Variants in PTPRS observed in about 807,000 individuals in gnomAD.
The protein encoded by PTPRS is receptor-type tyrosine-protein phosphatase S.
In PTPRS, 63 loss-of-function variants were observed where a neutral mutation model predicts 215.3. The observed-to-expected ratio is 0.29, with a 90% CI of 0.24 to 0.36. The LOEUF is 0.36. Ranked by LOEUF, PTPRS falls within the 10% of genes least tolerant of loss-of-function variation. The pLI, the probability that PTPRS is intolerant of heterozygous loss-of-function variation, is 1.00. For missense variants in PTPRS, 2,258 were observed against 2,825.8 expected (o/e 0.80, Z 4.56); for synonymous variants, 1,404 against 1,191.4 (o/e 1.18, Z -3.68).
rs2040720310 is a variant in PTPRS at position 5,210,018 on chromosome 19, C to T, written c.5487+451G>A. Among the ~76,000 whole-genome samples, 1 of 152,198 alleles carries T rather than the reference C, an allele frequency of 6.6e-6. No homozygotes were observed. The highest frequency in any genetic ancestry group is 2.1e-4 in the South Asian group (1 of 4,834). On this transcript the variant is annotated intron_variant, in intron 35 of 37. Coordinates refer to ENST00000262963, the MANE Select transcript of PTPRS (RefSeq NM_002850.4). This position sits in a 1 kb window ranked among gnomAD's most constrained non-coding sequence, Gnocchi z 4.5. ...TGTTGCCACCTAATACCTGGCCTTT[C>T]TCCCTCCACCTGACACTGCAGTCCT...
chr19:5,207,555 C>T (rs1021429019), intron 37 of PTPRS, among the ~76,000 whole-genome samples: 1 of 152,212 alleles, frequency 6.6e-6, no homozygotes, highest in African/African-American at 2.4e-5. Flanking sequence ...ACCCCCTCCA[C>T]TGGAACATTC....
Position 5,274,241 on chromosome 19 carries a change from G to C in PTPRS, c.195C>G (p.Thr65=), listed in dbSNP as rs913064571. ...QATGDPKPRV[T]WNKKGKKVNS... is the part of the protein sequence containing the mutation. The stretch of plus-strand genomic sequence containing the variant: ...TGACCTTCTTGCCCTTCTTGTTCCA[G>C]GTCACTCGTGGCTTGGGGTCACCCG... Residue 65 remains threonine, a synonymous_variant, in exon 3 of 38, where the codon ACC becomes ACG. Coordinates refer to ENST00000262963, the MANE Select transcript of PTPRS (RefSeq NM_002850.4). 2.2e-5 allele frequency: 35 copies of C among 1,613,912 alleles called. No individual in the cohort carries two copies. Among genetic ancestry groups the C allele is most frequent in the Non-Finnish European group, 2.7e-5 (32 of 1,179,964 alleles).
At chr19:5,290,001 G>A (rs2048676750) in intron 1 of PTPRS, among the ~76,000 whole-genome samples, 1 of 152,230 alleles carries the variant, frequency 6.6e-6, no homozygotes, top group African/African-American at 2.4e-5. Context: ...ATTAAGTCAG[G>A]TGCAGTAATC....
Position 5,220,268 on chromosome 19 carries a change from G to A in PTPRS, c.3541C>T (p.Leu1181=), listed in dbSNP as rs762696876. ...GGGCCCCAGGCCCTCACCTCTTCCA[G>A]ATCCATGTCCTCTGGGCTACCCAGC... ...TPLGSPEDMD[L]EELIQDISRL... is the part of the protein sequence containing the mutation. Residue 1181 remains leucine, a synonymous_variant, in exon 21 of 38, where the codon CTG becomes TTG. Coordinates refer to ENST00000262963, the MANE Select transcript of PTPRS (RefSeq NM_002850.4). The A allele has an allele frequency of 7.4e-6, 12 of 1,613,834 alleles. No individual in the cohort carries two copies. The highest frequency in any genetic ancestry group is 1.0e-5 in the Non-Finnish European group (12 of 1,179,930).
intron 9 of PTPRS, among the ~76,000 whole-genome samples, chr19:5,250,761 C>T (rs2044948778): frequency 1.3e-5 from 2 of 150,960 alleles, no homozygotes; most frequent in Admixed American, 1.3e-4. Context: ...GACGACCCCT[C>T]CCCCAGGCAG....
chr19:5,289,893 G>A (rs1169656446), intron 1 of PTPRS, among the ~76,000 whole-genome samples: 1 of 152,194 alleles, frequency 6.6e-6, no homozygotes, highest in Non-Finnish European at 1.5e-5. Flanking sequence ...CCTGGGCAGG[G>A]AGGGAAATGG....
intron 11 of PTPRS, among the ~76,000 whole-genome samples, chr19:5,240,794 G>A (rs534077876): frequency 4.6e-5 from 7 of 150,860 alleles, no homozygotes; most frequent in South Asian, 2.1e-4. Context: ...AGCGGAGATC[G>A]CGCCACTGCA....
rs370203974 is a variant in PTPRS at position 5,334,059 on chromosome 19, A to C, written c.-95+6605T>G. 4.0e-5 allele frequency among the ~76,000 whole-genome samples: 6 copies of C among 151,224 alleles called. No individual in the cohort carries two copies. The East Asian group carries it at 9.8e-4, about 25-fold the overall frequency. Reference sequence around the variant, plus strand: ...AGTCCCTGGAGTGCCTGGAGCTCCCAAGGCAGCCACGTGTCCTCCCTGTCC... The same window carrying C: ...AGTCCCTGGAGTGCCTGGAGCTCCCCAGGCAGCCACGTGTCCTCCCTGTCC... On this transcript the variant is annotated intron_variant, in intron 1 of 37. Coordinates refer to ENST00000262963, the MANE Select transcript of PTPRS (RefSeq NM_002850.4).
At chr19:5,255,045 C>G (rs537952709) in intron 9 of PTPRS, among the ~76,000 whole-genome samples, 2 of 152,332 alleles carry the variant, frequency 1.3e-5, no homozygotes, top group South Asian at 4.1e-4. Context: ...AGTGCACATT[C>G]AGCAGTACTT....
At chr19:5,208,128 C>A in intron 36 of PTPRS, 71 bp from the exon 37 acceptor site, 2 of 1,578,774 alleles carry the variant, frequency 1.3e-6, no homozygotes, top group Non-Finnish European at 1.7e-6. Context: ...CCACCCGATT[C>A]CCCGAGGACT....
At chr19:5,333,479 G>T (rs1296507484) in intron 1 of PTPRS, among the ~76,000 whole-genome samples, 4 of 150,282 alleles carry the variant, frequency 2.7e-5, no homozygotes, top group African/African-American at 9.9e-5. Context: ...CTGCACTCCA[G>T]CCTGAGCAAC....
At chr19:5,327,633 T>G (rs367756875) in intron 1 of PTPRS, among the ~76,000 whole-genome samples, 1 of 152,170 alleles carries the variant, frequency 6.6e-6, no homozygotes, top group African/African-American at 2.4e-5. Context: ...AGACAGGGTC[T>G]CGCTCTGTTA....
chr19:5,239,447 CAG>C (rs2043817138), intron 12 of PTPRS, among the ~76,000 whole-genome samples: 1 of 147,664 alleles, frequency 6.8e-6, no homozygotes, highest in South Asian at 2.2e-4. Flanking sequence ...GACACAGAGA[CAG>C]AGATAAATGG....
At chr19:5,323,039 G>A (rs1361222287) in intron 1 of PTPRS, among the ~76,000 whole-genome samples, 1 of 152,132 alleles carries the variant, frequency 6.6e-6, no homozygotes, top group Non-Finnish European at 1.5e-5. Context: ...CATGGTAGAG[G>A]AGGAGAGAAG....
chr19:5,266,184 G>A (rs893795575), intron 4 of PTPRS, among the ~76,000 whole-genome samples: 8 of 151,960 alleles, frequency 5.3e-5, no homozygotes, highest in Admixed American at 6.6e-5. Flanking sequence ...ACTTGAACCC[G>A]GGAGACGGAG....
chr19:5,229,312 T>C lies in PTPRS; in HGVS notation c.2376+4A>G, dbSNP rs770004614. On this transcript the variant is annotated splice_donor_region_variant and intron_variant, in intron 16 of 37. Transcript: ENST00000262963. ...GTAGGTGGGTGGCCAGGGGCGCTAC[T>C]TACATATTCGGCCGTGTCATCCGTC... 3 of 1,379,648 alleles carry C rather than the reference T, an allele frequency of 2.2e-6. No homozygotes were observed. In the East Asian group the frequency reaches 8.4e-5, roughly 38 times the overall value. 85.5% of individuals were successfully genotyped at this position (1,379,648 alleles called of 1,614,324 possible). A position where few individuals can be genotyped will look rare whatever the true frequency, so the allele number is the denominator to read the frequency against.
chr19:5,300,766 T>C (rs2049276853), intron 1 of PTPRS, among the ~76,000 whole-genome samples: 2 of 32,304 alleles, frequency 6.2e-5, no homozygotes, highest in Non-Finnish European at 1.3e-4. Flanking sequence ...AGACTCCGTC[T>C]CAAAAAAAAA....
intron 19 of PTPRS, 32 bp downstream of exon 19, chr19:5,222,091 T>G (rs983657459): frequency 6.4e-7 from 1 of 1,568,736 alleles, no homozygotes; most frequent in Non-Finnish European, 8.8e-7. Flanking sequence ...TGACCCTGCC[T>G]GCCTGCCTGC....
chr19:5,330,250 C>T (rs183433725), intron 1 of PTPRS, among the ~76,000 whole-genome samples: 40 of 152,222 alleles, frequency 2.6e-4, no homozygotes, highest in Non-Finnish European at 5.1e-4. Flanking sequence ...AGAAACAACG[C>T]CTCTGTAAAC....
Sources: gnomAD v4.1 joint callset for allele counts (sites outside exome capture counted in the v4.1 genomes callset) on GRCh38, gnomAD v4.1.1 for gene constraint, Gnocchi (gnomAD v3.1) non-coding constraint, MANE v1.5 for transcripts, NCBI Gene and HGNC (gene_info 2026-07-23, HGNC 2026-07-21) for gene names.